The following EXOC4 variants were observed in gnomAD, a reference collection of about 807,000 sequenced individuals.
The protein encoded by EXOC4 is exocyst complex component 4, also known as SEC8-like 1.
A neutral mutation model predicts 107.2 loss-of-function variants in EXOC4; 71 were observed. That is an observed-to-expected ratio of 0.66 (90% confidence interval 0.55 to 0.81). EXOC4 has a LOEUF of 0.81. Ranked by LOEUF, EXOC4 falls within the 30% of genes least tolerant of loss-of-function variation. The probability of loss-of-function intolerance (pLI) is 0.00; values close to 1 mark genes in which losing one functional copy is unlikely to be tolerated. For synonymous variants in EXOC4, 456 were observed against 441.2 expected (o/e 1.03, Z -0.42); for missense variants, 1,108 against 1,189.6 (o/e 0.93, Z 1.01).
chr7:133,735,809 C>A (rs182130344), intron 10 of EXOC4, among the ~76,000 whole-genome samples: 1 of 152,178 alleles, frequency 6.6e-6, no homozygotes, highest in Admixed American at 6.5e-5. Context: ...TTTACTTCCC[C>A]GGCATGGTGG....
intron 11 of EXOC4, among the ~76,000 whole-genome samples, chr7:133,830,909 C>T (rs567000455): frequency 9.9e-5 from 15 of 152,254 alleles, no homozygotes; most frequent in African/African-American, 3.4e-4. Flanking sequence ...CTTAGGCTCT[C>T]TTAAATGTGA....
chr7:133,909,919 A>ATTTTTTTTTTTTTTT (rs764890539), intron 12 of EXOC4, among the ~76,000 whole-genome samples: 1 of 75,476 alleles, frequency 1.3e-5, no homozygotes, highest in African/African-American at 5.7e-5. Context: ...GTTGAGACAG[A>ATTTTTTTTTTTTTTT]TTTTTTTTTT....
chr7:133,852,367 T>C (rs1345744102), intron 11 of EXOC4, among the ~76,000 whole-genome samples: 1 of 151,994 alleles, frequency 6.6e-6, no homozygotes, highest in African/African-American at 2.4e-5. Flanking sequence ...GGATTACATA[T>C]ATAGGTCATT....
At chr7:133,839,983 A>G (rs919883442) in intron 11 of EXOC4, among the ~76,000 whole-genome samples, 7 of 152,222 alleles carry the variant, frequency 4.6e-5, no homozygotes, top group African/African-American at 1.7e-4. Flanking sequence ...ATCTGCCATG[A>G]TCTACACATG....
intron 11 of EXOC4, among the ~76,000 whole-genome samples, chr7:133,857,199 TA>T (rs1798411187): frequency 6.2e-5 from 3 of 48,596 alleles, no homozygotes; most frequent in Non-Finnish European, 1.1e-4. Context: ...TATATATATA[TA>T]TTTTACCTCT....
At chr7:133,873,245 C>A (rs1450058847) in intron 11 of EXOC4, among the ~76,000 whole-genome samples, 2 of 152,144 alleles carry the variant, frequency 1.3e-5, no homozygotes, top group East Asian at 3.8e-4. Flanking sequence ...TAAATAAATA[C>A]AAATAAAAGC....
chr7:133,978,884 A>C (rs1218087176), intron 14 of EXOC4, among the ~76,000 whole-genome samples: 1 of 152,184 alleles, frequency 6.6e-6, no homozygotes, highest in African/African-American at 2.4e-5. Context: ...CCCTACTGGC[A>C]AGAAGTTGTA....
At position 133,855,106 on chromosome 7, in the gene EXOC4, TATATATAAATATATATATATAA is replaced by T. The variant is rs1798335507; in HGVS notation, c.1734+37570_1734+37591del. ...AAATATATATAAATATATATATAAA[TATATATAAATATATATATATAA>T]ATATATATATATATAAATATATATA... On this transcript the variant is annotated intron_variant, in intron 11 of 17. Coordinates refer to ENST00000253861, the MANE Select transcript of EXOC4 (RefSeq NM_021807.4). 4.0e-5 allele frequency among the ~76,000 whole-genome samples: 4 copies of T among 100,346 alleles called. No homozygotes were observed. The South Asian group carries it at 9.0e-4, about 23-fold the overall frequency. 65.8% of individuals were successfully genotyped at this position (100,346 alleles called of 152,430 possible).
chr7:134,037,921 A>G (rs147529287), intron 17 of EXOC4, among the ~76,000 whole-genome samples: 19 of 152,250 alleles, frequency 1.2e-4, no homozygotes, highest in East Asian at 1.2e-3. Context: ...CTACTCACCA[A>G]CTCAGGTGTT....
chr7:134,056,436 C>T (rs755736453), intron 17 of EXOC4, among the ~76,000 whole-genome samples: 1 of 152,182 alleles, frequency 6.6e-6, no homozygotes, highest in Non-Finnish European at 1.5e-5. Flanking sequence ...TATTTGATAA[C>T]ATCAGAAGAT....
chr7:133,427,020 T>C (rs1308548198), intron 7 of EXOC4, among the ~76,000 whole-genome samples: 1 of 152,226 alleles, frequency 6.6e-6, no homozygotes, highest in East Asian at 1.9e-4. Flanking sequence ...AAAGGAACCT[T>C]AGCATCCAAT....
At chr7:134,058,339 A>G (rs964790591) in intron 17 of EXOC4, among the ~76,000 whole-genome samples, 1 of 152,214 alleles carries the variant, frequency 6.6e-6, no homozygotes, top group African/African-American at 2.4e-5. Flanking sequence ...AAGGACTACA[A>G]GAGAAAGTCT....
intron 9 of EXOC4, among the ~76,000 whole-genome samples, chr7:133,623,406 A>G (rs1259080392): frequency 3.3e-5 from 5 of 152,140 alleles, no homozygotes; most frequent in African/African-American, 1.2e-4. Flanking sequence ...ATTTGCTCCT[A>G]GTTGGTTTGT....
chr7:133,433,206 T>C (rs2059375), intron 7 of EXOC4, among the ~76,000 whole-genome samples: 117,621 of 152,080 alleles, frequency 0.77, 46,103 homozygotes, highest in East Asian at 0.93. Flanking sequence ...ATGTGGTAGG[T>C]TGGATTATTG....
intron 11 of EXOC4, among the ~76,000 whole-genome samples, chr7:133,844,812 C>A (rs540797708): frequency 1.3e-5 from 2 of 152,094 alleles, no homozygotes; most frequent in Admixed American, 6.6e-5. Flanking sequence ...GTGTTTGTAA[C>A]CAAGCTTAGA....
At chr7:133,905,506 C>T (rs1045567299) in intron 12 of EXOC4, among the ~76,000 whole-genome samples, 50 of 152,188 alleles carry the variant, frequency 3.3e-4, no homozygotes, top group African/African-American at 1.0e-3. Context: ...GCTTCCCTCC[C>T]CTTGCCTGTC....
At chr7:133,707,075 T>C (rs926949299) in intron 10 of EXOC4, among the ~76,000 whole-genome samples, 2 of 152,160 alleles carry the variant, frequency 1.3e-5, no homozygotes, top group Non-Finnish European at 1.5e-5. Context: ...GGCCTTTTTT[T>C]TTTTTGCCTG....
At chr7:133,349,849 TG>T (rs202140675) in intron 5 of EXOC4, among the ~76,000 whole-genome samples, 12 of 151,554 alleles carry the variant, frequency 7.9e-5, no homozygotes, top group African/African-American at 2.7e-4. Flanking sequence ...TGTTTTTTTT[TG>T]GGGGGGGTGA....
At chr7:133,336,251 C>G (rs975919814) in intron 5 of EXOC4, among the ~76,000 whole-genome samples, 5 of 152,082 alleles carry the variant, frequency 3.3e-5, no homozygotes, top group African/African-American at 1.2e-4. Context: ...CCTGGAAATC[C>G]TTGCCAAATC....
Sources: allele counts gnomAD v4.1 joint callset (sites outside exome capture counted in the v4.1 genomes callset), GRCh38; gene constraint gnomAD v4.1.1; transcripts MANE v1.5; gene names NCBI Gene and HGNC (gene_info 2026-07-23, HGNC 2026-07-21).